Variants in MARCHF7 observed in about 807,000 individuals in gnomAD.
The protein encoded by MARCHF7 is E3 ubiquitin-protein ligase MARCHF7.
A neutral mutation model predicts 76.5 loss-of-function variants in MARCHF7; 20 were observed. That is an observed-to-expected ratio of 0.26 (90% confidence interval 0.18 to 0.38). The LOEUF is 0.38. MARCHF7 is among the 10% of genes least tolerant of loss of function. MARCHF7 has a pLI of 1.00. For synonymous variants in MARCHF7, 295 were observed against 293.0 expected (o/e 1.01, Z -0.07); for missense variants, 797 against 812.9 (o/e 0.98, Z 0.24).
At position 159,768,177 on chromosome 2, in the gene MARCHF7, G is replaced by T. The variant is rs758145128; in HGVS notation, c.*835G>T. Reference sequence around the variant, plus strand: ...AGTTTAAAACACTGGTTTTCAATGTGTTTTTTAGTGTTGTCACTTGTTTAT... The same window carrying T: ...AGTTTAAAACACTGGTTTTCAATGTTTTTTTTAGTGTTGTCACTTGTTTAT... On this transcript the variant is annotated 3_prime_UTR_variant, in exon 12 of 12. Coordinates refer to ENST00000409175, the MANE Select transcript of MARCHF7 (RefSeq NM_001282805.2). 1 of 152,492 alleles carries T rather than the reference G, an allele frequency of 6.6e-6. No individual in the cohort carries two copies. The highest frequency in any genetic ancestry group is 1.5e-5 in the Non-Finnish European group (1 of 67,956). The allele number at this position is 152,492 out of a possible 1,614,324, so 9.4% of individuals were successfully genotyped here. A position where few individuals can be genotyped will look rare whatever the true frequency, so the allele number is the denominator to read the frequency against.
chr2:159,760,712 TTTG>T (rs1227940408), intron 9 of MARCHF7, among the ~76,000 whole-genome samples: 1 of 150,438 alleles, frequency 6.6e-6, no homozygotes, highest in African/African-American at 2.4e-5. Flanking sequence ...TTTTTCCTTT[TTTG>T]TTTTTGTTTT....
chr2:159,765,713 CAT>C (rs1279494467), intron 11 of MARCHF7, among the ~76,000 whole-genome samples: 4 of 152,076 alleles, frequency 2.6e-5, no homozygotes, highest in African/African-American at 9.7e-5. Flanking sequence ...TAATCTAAAA[CAT>C]AGATTTTTGT....
At position 159,767,299 on chromosome 2, in the gene MARCHF7, C is replaced by G; in HGVS notation, c.2072C>G (p.Ser691Cys). The change falls in exon 12 of 12, where the codon TCC (serine) becomes TGC (cysteine). Residue 691 changes from serine to cysteine, a missense_variant. This residue lies in a region of MARCHF7 where 124 missense variants were observed against 121.3 expected (regional missense o/e 1.02). Coordinates refer to ENST00000409175, the MANE Select transcript of MARCHF7 (RefSeq NM_001282805.2). ...CTTTCAACAGCTTCAGAGGATGATT[C>G]CGAAGAAGACGGAGACCATAACAGG... ...MEDLETSEDD[S>C]EEDGDHNRTF... The G allele has an allele frequency of 6.2e-7, 1 of 1,610,896 alleles. No homozygotes were observed. Among genetic ancestry groups the G allele is most frequent in the Non-Finnish European group, 8.5e-7 (1 of 1,177,958 alleles).
At chr2:159,716,981 C>G (rs1017078734) in intron 3 of MARCHF7, among the ~76,000 whole-genome samples, 7 of 152,280 alleles carry the variant, frequency 4.6e-5, no homozygotes, top group African/African-American at 1.7e-4. Flanking sequence ...ACTGATTTTG[C>G]CCGGGGCTTA....
At chr2:159,743,590 A>G (rs1317486956) in intron 5 of MARCHF7, among the ~76,000 whole-genome samples, 1 of 152,212 alleles carries the variant, frequency 6.6e-6, no homozygotes, top group African/African-American at 2.4e-5. Context: ...TATGTTTAAA[A>G]TATTGCTTAA....
At chr2:159,746,175 C>T (rs552756503) in intron 6 of MARCHF7, among the ~76,000 whole-genome samples, 2 of 152,104 alleles carry the variant, frequency 1.3e-5, no homozygotes, top group East Asian at 3.9e-4. Flanking sequence ...TTGCATTTTT[C>T]CTTTTAAGAA....
intron 9 of MARCHF7, among the ~76,000 whole-genome samples, chr2:159,759,703 A>G (rs1040159999): frequency 2.0e-5 from 3 of 152,164 alleles, no homozygotes; most frequent in African/African-American, 7.2e-5. Flanking sequence ...GGAGATTACA[A>G]GGGTGACTTT....
rs773151998 is a variant in MARCHF7 at position 159,713,529 on chromosome 2, A to G, written c.-143+923A>G. Among the ~76,000 whole-genome samples, 74 of 152,286 alleles carry G rather than the reference A, an allele frequency of 4.9e-4. No homozygotes were observed. In the Middle Eastern group the frequency reaches 0.044, roughly 91 times the overall value. ...ATTGATTAGCTATTTTTCTGATTAC[A>G]TGTTATTTTAAATCTCCACCTTTCT... On this transcript the variant is annotated intron_variant, in intron 1 of 11. Coordinates refer to ENST00000409175, the MANE Select transcript of MARCHF7 (RefSeq NM_001282805.2).
chr2:159,747,247 A>G (rs974227497), intron 6 of MARCHF7, among the ~76,000 whole-genome samples: 1 of 152,214 alleles, frequency 6.6e-6, no homozygotes, highest in South Asian at 2.1e-4. Flanking sequence ...TAGGAACTAT[A>G]GGATAAGAAC....
intron 11 of MARCHF7, among the ~76,000 whole-genome samples, chr2:159,765,500 C>G (rs764399306): frequency 1.3e-5 from 2 of 152,086 alleles, no homozygotes; most frequent in South Asian, 4.1e-4. Context: ...CTTTTTCACC[C>G]TTTGTTGCCC....
intron 1 of MARCHF7, 84 bp from the exon 2 acceptor site, chr2:159,714,473 A>T (rs930670255): frequency 1.3e-5 from 2 of 152,144 alleles, no homozygotes; most frequent in African/African-American, 4.8e-5. Flanking sequence ...GGATTTATTT[A>T]TTTATTGCCT....
At chr2:159,744,735 A>G (rs1195970011) in intron 5 of MARCHF7, among the ~76,000 whole-genome samples, 1 of 152,186 alleles carries the variant, frequency 6.6e-6, no homozygotes, top group African/African-American at 2.4e-5. Flanking sequence ...GACAAACACC[A>G]CTGTGCCAGA....
At position 159,746,326 on chromosome 2, in the gene MARCHF7, T is replaced by C. The variant is rs576976262; in HGVS notation, c.514+389T>C. Among the ~76,000 whole-genome samples the C allele has an allele frequency of 5.3e-5, 8 of 152,256 alleles. 1 individual carries two copies. The highest frequency in any genetic ancestry group is 7.3e-5 in the Non-Finnish European group (5 of 68,040). ...AAGTTGAAATCACCATTTTAAGGCATAATTTGCAATTACTTTAGTATAACA... is the reference window on the plus strand; with the variant it reads ...AAGTTGAAATCACCATTTTAAGGCACAATTTGCAATTACTTTAGTATAACA... On this transcript the variant is annotated intron_variant, in intron 6 of 11. Transcript: ENST00000409175.
intron 8 of MARCHF7, among the ~76,000 whole-genome samples, chr2:159,758,894 TAAG>T (rs112821619): frequency 6.6e-6 from 1 of 152,306 alleles, no homozygotes; most frequent in African/African-American, 2.4e-5. Flanking sequence ...TCAAAGTACT[TAAG>T]GAGGAAGTAG....
intron 3 of MARCHF7, among the ~76,000 whole-genome samples, chr2:159,721,068 T>C (rs1574196501): frequency 1.3e-5 from 2 of 151,392 alleles, no homozygotes; most frequent in East Asian, 3.9e-4. Flanking sequence ...GGTTTCGCCA[T>C]GTTGGCCAGG....
chr2:159,740,495 A>G (rs1019372185), intron 4 of MARCHF7, among the ~76,000 whole-genome samples: 1 of 152,212 alleles, frequency 6.6e-6, no homozygotes, highest in African/African-American at 2.4e-5. Flanking sequence ...TTTAAATTAA[A>G]ACATTTTTTT....
intron 4 of MARCHF7, chr2:159,734,185 T>G (rs927222026): frequency 1.0e-6 from 1 of 990,562 alleles, no homozygotes; most frequent in Non-Finnish European, 1.3e-6. Context: ...TGTATTTTTC[T>G]GTAACTTTAA....
intron 3 of MARCHF7, among the ~76,000 whole-genome samples, chr2:159,727,817 G>C (rs2125387325): frequency 6.6e-6 from 1 of 152,286 alleles, no homozygotes; most frequent in East Asian, 1.9e-4. Context: ...ACACAAAAGA[G>C]TACTTATTGT....
At chr2:159,767,227 C>G in intron 11 of MARCHF7, 57 bp from the exon 12 acceptor site, 1 of 1,243,064 alleles carries the variant, frequency 8.0e-7, no homozygotes, top group Non-Finnish European at 1.2e-6. Flanking sequence ...CATATTTACA[C>G]TTCCCATTCT....
Sources: gnomAD v4.1 joint callset for allele counts (sites outside exome capture counted in the v4.1 genomes callset) on GRCh38, gnomAD v4.1.1 for gene constraint, gnomAD v4.1.1 regional missense constraint, MANE v1.5 for transcripts, NCBI Gene and HGNC (gene_info 2026-07-23, HGNC 2026-07-21) for gene names.